ZFHX3: variants seen among roughly 807,000 people sequenced by gnomAD.
The protein encoded by ZFHX3 is zinc finger homeobox 3, also known as zinc finger homeobox protein 3.
In ZFHX3, 42 loss-of-function variants were observed where a neutral mutation model predicts 279.1. The observed-to-expected ratio is 0.15, with a 90% CI of 0.12 to 0.19. The LOEUF is 0.19. ZFHX3 is among the 10% of genes least tolerant of loss of function. The probability of loss-of-function intolerance (pLI) is 1.00; values close to 1 mark genes in which losing one functional copy is unlikely to be tolerated. For synonymous variants in ZFHX3, 2,293 were observed against 1,957.8 expected (o/e 1.17, Z -4.52); for missense variants, 4,981 against 4,754.0 (o/e 1.05, Z -1.40).
chr16:72,971,878 A>ATTT (rs34508228), intron 1 of ZFHX3, among the ~76,000 whole-genome samples: 105 of 95,460 alleles, frequency 1.1e-3, no homozygotes, highest in African/African-American at 1.7e-3. Context: ...CTGCCTATTA[A>ATTT]TTTTTTTTTT....
intron 2 of ZFHX3, among the ~76,000 whole-genome samples, chr16:73,588,707 C>CAAAAAAAA (rs35010044): frequency 7.4e-6 from 1 of 134,242 alleles, no homozygotes. Flanking sequence ...AAAAACAAAA[C>CAAAAAAAA]AAAAAAAAAA....
chr16:73,300,471 G>A (rs1429747065), intron 4 of ZFHX3, among the ~76,000 whole-genome samples: 4 of 152,122 alleles, frequency 2.6e-5, no homozygotes, highest in Admixed American at 2.0e-4. Flanking sequence ...GCCAGGATAC[G>A]GGATGTTGGG....
At chr16:73,834,918 G>T (rs1164988559) in intron 1 of ZFHX3, among the ~76,000 whole-genome samples, 1 of 152,144 alleles carries the variant, frequency 6.6e-6, no homozygotes, top group Non-Finnish European at 1.5e-5. Flanking sequence ...CCCCCCGTGG[G>T]GTCTGCCACA....
At chr16:73,748,588 C>T (rs141700041) in intron 1 of ZFHX3, among the ~76,000 whole-genome samples, 16 of 152,300 alleles carry the variant, frequency 1.1e-4, no homozygotes, top group Middle Eastern at 3.4e-3. Flanking sequence ...TTCTTCCCAA[C>T]GTCTCTACCT....
chr16:73,061,391 A>G (rs1262552434), upstream of ZFHX3: 2 of 124,474 alleles, frequency 1.6e-5, no homozygotes, highest in African/African-American at 6.1e-5. Context: ...TTTTTTTTTT[A>G]AGGGAAGGAT....
chr16:73,130,722 C>T (rs2144819014), intron 7 of ZFHX3, among the ~76,000 whole-genome samples: 1 of 152,338 alleles, frequency 6.6e-6, no homozygotes, highest in African/African-American at 2.4e-5. Context: ...ATTCTCCTGC[C>T]TCAACCTCCC....
chr16:73,043,718 G>A (rs540379570), intron 1 of ZFHX3, among the ~76,000 whole-genome samples: 9 of 152,210 alleles, frequency 5.9e-5, no homozygotes, highest in South Asian at 4.2e-4. Context: ...GCTGTCAATC[G>A]GCACTAAGCC....
chr16:73,712,790 G>A (rs553867874), intron 1 of ZFHX3, among the ~76,000 whole-genome samples: 2 of 152,170 alleles, frequency 1.3e-5, no homozygotes, highest in Admixed American at 6.5e-5. Context: ...TAAGAGGGGG[G>A]ATATATAATC....
At chr16:72,981,916 T>G (rs1291817464) in intron 1 of ZFHX3, among the ~76,000 whole-genome samples, 1 of 149,268 alleles carries the variant, frequency 6.7e-6, no homozygotes, top group East Asian at 2.0e-4. Context: ...GGAGTCTCGC[T>G]CTGTCATCCA....
At chr16:73,368,456 T>C (rs1029195123) in intron 3 of ZFHX3, among the ~76,000 whole-genome samples, 2 of 152,184 alleles carry the variant, frequency 1.3e-5, no homozygotes, top group Non-Finnish European at 2.9e-5. Flanking sequence ...AGCTGAGCCT[T>C]GGATGAGCTT....
At chr16:73,346,010 G>A (rs1056073717) in intron 3 of ZFHX3, among the ~76,000 whole-genome samples, 2 of 152,108 alleles carry the variant, frequency 1.3e-5, no homozygotes, top group Non-Finnish European at 2.9e-5. Flanking sequence ...CTTGGGGAGG[G>A]CTCCCAGGCC....
At chr16:73,225,779 A>G (rs1478322769) in intron 5 of ZFHX3, among the ~76,000 whole-genome samples, 3 of 151,992 alleles carry the variant, frequency 2.0e-5, no homozygotes, top group Non-Finnish European at 4.4e-5. Context: ...GGCCCATATG[A>G]ATTTTTACTC....
At chr16:73,272,099 G>A (rs35194338) in intron 4 of ZFHX3, among the ~76,000 whole-genome samples, 11,890 of 152,202 alleles carry the variant, frequency 0.078, 589 homozygotes, top group African/African-American at 0.15. Flanking sequence ...GTTTTCATCC[G>A]TCTGAAGCAA....
intron 5 of ZFHX3, among the ~76,000 whole-genome samples, chr16:73,210,759 G>A (rs551213273): frequency 1.3e-5 from 2 of 152,260 alleles, no homozygotes; most frequent in South Asian, 2.1e-4. Flanking sequence ...CTCCTCTAAC[G>A]TGGGGGAACA....
At chr16:73,480,838 A>G (rs972094816) in intron 2 of ZFHX3, among the ~76,000 whole-genome samples, 2 of 152,216 alleles carry the variant, frequency 1.3e-5, no homozygotes, top group Non-Finnish European at 2.9e-5. Context: ...AGCCTCACAT[A>G]TAAATATATA....
intron 2 of ZFHX3, among the ~76,000 whole-genome samples, chr16:73,481,461 G>T (rs544981276): frequency 2.6e-5 from 4 of 152,026 alleles, no homozygotes; most frequent in Non-Finnish European, 5.9e-5. Flanking sequence ...ATTAAAGAGG[G>T]TCTCACTCTA....
At chr16:72,890,804 A>G (rs2038754304) in intron 3 of ZFHX3, among the ~76,000 whole-genome samples, 2 of 152,264 alleles carry the variant, frequency 1.3e-5, no homozygotes, top group South Asian at 4.1e-4. Context: ...TTATTGGAAC[A>G]CAGCCACGTC....
chr16:73,310,033 T>C (rs1254350918), intron 4 of ZFHX3, among the ~76,000 whole-genome samples: 2 of 150,832 alleles, frequency 1.3e-5, no homozygotes. Flanking sequence ...CTCAGCCTCC[T>C]GAGTAGCTGG....
intron 3 of ZFHX3, among the ~76,000 whole-genome samples, chr16:72,934,787 G>C: frequency 6.6e-6 from 1 of 152,158 alleles, no homozygotes; most frequent in East Asian, 1.9e-4. Flanking sequence ...TAGTGCAGTG[G>C]TTCTCAAACT....
Sources: allele counts gnomAD v4.1 joint callset (sites outside exome capture counted in the v4.1 genomes callset), GRCh38; gene constraint gnomAD v4.1.1; transcripts MANE v1.5; gene names NCBI Gene and HGNC (gene_info 2026-07-23, HGNC 2026-07-21).